The following PLCE1 variants were observed in gnomAD, a reference collection of about 807,000 sequenced individuals.
The protein encoded by PLCE1 is phospholipase C epsilon 1, also known as 1-phosphatidylinositol 4,5-bisphosphate phosphodiesterase epsilon-1.
Under a neutral mutation model 242.8 loss-of-function variants are expected in PLCE1, and 119 were observed. The observed-to-expected ratio is 0.49, with a 90% CI of 0.42 to 0.57. PLCE1 has a LOEUF of 0.57. Ranked by LOEUF, PLCE1 falls within the 20% of genes least tolerant of loss-of-function variation. The pLI is 0.00. For synonymous variants in PLCE1, 945 were observed against 1,017.4 expected (o/e 0.93, Z 1.35); for missense variants, 2,441 against 2,788.8 (o/e 0.88, Z 2.81).
chr10:94,329,763 C>T lies in PLCE1; in HGVS notation c.*1820C>T, dbSNP rs547157246. ...ACCACGCTCCAGCCTGGTGACAGAG[C>T]GAGACTCCGTCTCAAAAAAAAAAAA... On this transcript the variant is annotated 3_prime_UTR_variant, in exon 33 of 33. Transcript: ENST00000371380. The T allele has an allele frequency of 2.7e-5, 3 of 109,526 alleles. No individual in the cohort carries two copies. Among genetic ancestry groups the T allele is most frequent in the Admixed American group, 1.5e-4 (1 of 6,784 alleles). 6.8% of individuals were successfully genotyped at this position (109,526 alleles called of 1,614,324 possible). A position where few individuals can be genotyped will look rare whatever the true frequency, so the allele number is the denominator to read the frequency against.
chr10:94,062,332 G>T (rs2044075972), intron 2 of PLCE1, among the ~76,000 whole-genome samples: 1 of 151,938 alleles, frequency 6.6e-6, no homozygotes, highest in South Asian at 2.1e-4. Flanking sequence ...CCAGATTGGA[G>T]TGCAGTGGCT....
intron 31 of PLCE1, 150 bp downstream of exon 31, chr10:94,324,717 G>A (rs897506628): frequency 4.1e-6 from 4 of 982,676 alleles, no homozygotes; most frequent in Non-Finnish European, 4.7e-6. Flanking sequence ...TGTTTTCACT[G>A]TGTGAAAAAA....
At chr10:94,055,555 T>C (rs777440290) in intron 2 of PLCE1, among the ~76,000 whole-genome samples, 1 of 152,180 alleles carries the variant, frequency 6.6e-6, no homozygotes, top group Non-Finnish European at 1.5e-5. Flanking sequence ...TGACCTCAAG[T>C]GATCTGCCCA....
rs535432847 is a variant in PLCE1 at position 94,286,010 on chromosome 10, A to G, written c.5035+1045A>G. Among the ~76,000 whole-genome samples the G allele has an allele frequency of 2.6e-5, 4 of 152,228 alleles. No homozygotes were observed. In the East Asian group the frequency reaches 5.8e-4, roughly 22 times the overall value. ...TGTTTCGGGCTGTTTTCAATGAGGTACTCAATTATGTGTCCCACAAATGGG... is the reference window on the plus strand; with the variant it reads ...TGTTTCGGGCTGTTTTCAATGAGGTGCTCAATTATGTGTCCCACAAATGGG... On this transcript the variant is annotated intron_variant, in intron 22 of 32. Coordinates refer to ENST00000371380, the MANE Select transcript of PLCE1 (RefSeq NM_016341.4).
intron 3 of PLCE1, among the ~76,000 whole-genome samples, chr10:94,149,630 A>G (rs1271273088): frequency 6.6e-6 from 1 of 152,170 alleles, no homozygotes; most frequent in Non-Finnish European, 1.5e-5. Context: ...AGTTCTGGCT[A>G]TACAACCTTA....
chr10:94,173,883 C>A (rs2048053476), intron 4 of PLCE1, among the ~76,000 whole-genome samples: 1 of 152,186 alleles, frequency 6.6e-6, no homozygotes, highest in Admixed American at 6.5e-5. Context: ...CTTACATAGT[C>A]AGATCCCAAA....
intron 4 of PLCE1, among the ~76,000 whole-genome samples, chr10:94,199,609 T>TTATAACAAG (rs2048930560): frequency 6.6e-6 from 1 of 152,250 alleles, no homozygotes; most frequent in South Asian, 2.1e-4. Context: ...GCAAAATAAG[T>TTATAACAAG]TATAACAAGT....
intron 2 of PLCE1, chr10:94,105,335 A>G (rs2045688289): frequency 6.6e-6 from 1 of 152,452 alleles, no homozygotes; most frequent in Non-Finnish European, 1.5e-5. Context: ...TGACCCCTCC[A>G]GTCTCAGTCA....
chr10:94,203,741 G>T (rs557928430), intron 4 of PLCE1, among the ~76,000 whole-genome samples: 43 of 152,306 alleles, frequency 2.8e-4, no homozygotes, highest in African/African-American at 9.9e-4. Flanking sequence ...CCAACCTTGT[G>T]CATTGATGAT....
At chr10:94,244,736 T>G (rs1015976597) in intron 7 of PLCE1, among the ~76,000 whole-genome samples, 2 of 152,138 alleles carry the variant, frequency 1.3e-5, no homozygotes, top group African/African-American at 2.4e-5. Flanking sequence ...AGGGTCTTGC[T>G]CTATTGCCCA....
chr10:94,247,018 A>G (rs557809274), intron 8 of PLCE1, among the ~76,000 whole-genome samples: 1 of 151,518 alleles, frequency 6.6e-6, no homozygotes, highest in African/African-American at 2.4e-5. Flanking sequence ...AGGCTGAGGC[A>G]GGAGAATCGC....
At chr10:94,231,766 C>T (rs575846817) in intron 5 of PLCE1, among the ~76,000 whole-genome samples, 2 of 152,086 alleles carry the variant, frequency 1.3e-5, no homozygotes, top group Non-Finnish European at 2.9e-5. Flanking sequence ...TCATAAGGAG[C>T]GTGCAACCTA....
intron 3 of PLCE1, among the ~76,000 whole-genome samples, chr10:94,158,538 T>A (rs548214592): frequency 6.6e-6 from 1 of 152,278 alleles, no homozygotes; most frequent in South Asian, 2.1e-4. Context: ...TAGGGAATTT[T>A]TCTCTTTCAA....
At chr10:94,270,249 T>C (rs2051677798) in intron 17 of PLCE1, among the ~76,000 whole-genome samples, 1 of 152,222 alleles carries the variant, frequency 6.6e-6, no homozygotes. Flanking sequence ...TAAATAGATT[T>C]GTTAAATTCA....
In PLCE1 at chr10:94,322,030, GT is replaced by G; in HGVS notation, c.6473del (p.Val2158AlafsTer22). Reference protein sequence around the residue: ...QPRTVIKAPRVSTAQDVIQQT... With the variant: ...QPRTVIKAPRXSTAQDVIQQT... Reference sequence around the variant, plus strand: ...TCGAACAGTCATCAAAGCACCCCGCGTCAGCACTGCACAGGATGTCATTCAG... The same window carrying G: ...TCGAACAGTCATCAAAGCACCCCGCGCAGCACTGCACAGGATGTCATTCAG... On this transcript the variant is annotated frameshift_variant, in exon 30 of 33. Transcript: ENST00000371380. LOFTEE classifies it high-confidence loss of function. The G allele has an allele frequency of 6.2e-7, 1 of 1,614,094 alleles. No individual in the cohort carries two copies. The highest frequency in any genetic ancestry group is 8.5e-7 in the Non-Finnish European group (1 of 1,179,994).
chr10:93,996,255 C>T (rs547823301), intron 1 of PLCE1, among the ~76,000 whole-genome samples: 2 of 152,352 alleles, frequency 1.3e-5, no homozygotes, highest in East Asian at 3.9e-4. Flanking sequence ...TAAAACAGAG[C>T]TTCTGGGTTC....
rs545586742 is a variant in PLCE1, at chr10:94,212,472, G to A, written c.1810-14834G>A. Reference sequence around the variant, plus strand: ...AGGGTTTCACCGTGTTAGCCAGGATGGTCTTGATCTCCTGACCTTGTGATC... The same window carrying A: ...AGGGTTTCACCGTGTTAGCCAGGATAGTCTTGATCTCCTGACCTTGTGATC... On this transcript the variant is annotated intron_variant, in intron 4 of 32. Coordinates refer to ENST00000371380, the MANE Select transcript of PLCE1 (RefSeq NM_016341.4). Among the ~76,000 whole-genome samples the A allele has an allele frequency of 5.9e-5, 9 of 152,320 alleles. No individual in the cohort carries two copies. In the East Asian group the frequency reaches 1.7e-3, roughly 29 times the overall value.
At chr10:94,083,207 C>T (rs1199723619) in intron 2 of PLCE1, among the ~76,000 whole-genome samples, 3 of 152,146 alleles carry the variant, frequency 2.0e-5, no homozygotes, top group South Asian at 2.1e-4. Context: ...ACATATGTTC[C>T]GTAATTGCTT....
chr10:94,078,440 A>C (rs908115147), intron 2 of PLCE1, among the ~76,000 whole-genome samples: 7 of 152,164 alleles, frequency 4.6e-5, no homozygotes, highest in Non-Finnish European at 1.0e-4. Context: ...TTTTCCGTAC[A>C]AATTAGCCCC....
Sources: gnomAD v4.1 joint callset for allele counts (sites outside exome capture counted in the v4.1 genomes callset) on GRCh38, gnomAD v4.1.1 for gene constraint, MANE v1.5 for transcripts, NCBI Gene and HGNC (gene_info 2026-07-23, HGNC 2026-07-21) for gene names.